CNTNAP2: variants seen among roughly 807,000 people sequenced by gnomAD.
The protein encoded by CNTNAP2 is contactin associated protein 2, also known as contactin-associated protein-like 2.
Under a neutral mutation model 155.2 loss-of-function variants are expected in CNTNAP2, and 98 were observed. That is an observed-to-expected ratio of 0.63 (90% CI 0.54 to 0.75). The LOEUF (loss-of-function observed/expected upper bound fraction) is 0.75. CNTNAP2 is among the 30% of genes least tolerant of loss of function. The pLI is 0.00. For synonymous variants in CNTNAP2, 651 were observed against 631.2 expected (o/e 1.03, Z -0.47); for missense variants, 1,727 against 1,688.1 (o/e 1.02, Z -0.40).
intron 21 of CNTNAP2, among the ~76,000 whole-genome samples, chr7:148,337,606 GTC>G (rs1204708183): frequency 1.3e-5 from 2 of 152,208 alleles, no homozygotes; most frequent in Non-Finnish European, 2.9e-5. Flanking sequence ...CGTCTTGCCA[GTC>G]TCTCCACTTT....
At chr7:146,491,652 G>T (rs972695276) in intron 1 of CNTNAP2, among the ~76,000 whole-genome samples, 1 of 152,120 alleles carries the variant, frequency 6.6e-6, no homozygotes, top group Admixed American at 6.5e-5. Context: ...ACCCATCAGA[G>T]CATTCCTACT....
At chr7:148,220,702 G>A (rs1795733418) in intron 19 of CNTNAP2, among the ~76,000 whole-genome samples, 1 of 150,652 alleles carries the variant, frequency 6.6e-6, no homozygotes, top group Non-Finnish European at 1.5e-5. Flanking sequence ...TTTTTCTCCT[G>A]AGCAGTACTT....
intron 8 of CNTNAP2, among the ~76,000 whole-genome samples, chr7:147,222,174 A>G (rs1803415560): frequency 6.6e-6 from 1 of 152,036 alleles, no homozygotes; most frequent in African/African-American, 2.4e-5. Flanking sequence ...CTTGTTTGAA[A>G]TATTTATTTG....
chr7:146,283,721 G>A lies in CNTNAP2; in HGVS notation c.97+166748G>A, dbSNP rs576660562. Among the ~76,000 whole-genome samples, 282 of 151,970 alleles carry A rather than the reference G, an allele frequency of 1.9e-3. 3 individuals are homozygous for A. The highest frequency in any genetic ancestry group is 2.6e-3 in the Non-Finnish European group (175 of 67,980). ...ATAGAAATAAATTAGGAAATAATTC[G>A]GCTTTGTTCATATTTAATATATGGA... On this transcript the variant is annotated intron_variant, in intron 1 of 23. Coordinates refer to ENST00000361727, the MANE Select transcript of CNTNAP2 (RefSeq NM_014141.6).
At chr7:148,087,019 G>A (rs2116557287) in intron 15 of CNTNAP2, among the ~76,000 whole-genome samples, 1 of 152,218 alleles carries the variant, frequency 6.6e-6, no homozygotes, top group Admixed American at 6.5e-5. Flanking sequence ...TAAAAAAATA[G>A]TTTATTAAGA....
intron 13 of CNTNAP2, among the ~76,000 whole-genome samples, chr7:147,886,060 T>A (rs1799594076): frequency 6.6e-6 from 1 of 152,210 alleles, no homozygotes; most frequent in South Asian, 2.1e-4. Context: ...AAATTCTTTC[T>A]TCCTCTCCTG....
chr7:146,940,947 T>C (rs528214255), intron 3 of CNTNAP2, among the ~76,000 whole-genome samples: 32 of 152,242 alleles, frequency 2.1e-4, no homozygotes, highest in African/African-American at 7.2e-4. Flanking sequence ...TTGACTTAAA[T>C]TGTATTTTAT....
intron 13 of CNTNAP2, among the ~76,000 whole-genome samples, chr7:147,824,021 G>A (rs1284925594): frequency 6.6e-6 from 1 of 152,076 alleles, no homozygotes; most frequent in Non-Finnish European, 1.5e-5. Flanking sequence ...AGGTGTATGG[G>A]GATGGCTTAT....
intron 3 of CNTNAP2, among the ~76,000 whole-genome samples, chr7:146,951,787 G>C (rs1373832733): frequency 6.6e-6 from 1 of 151,894 alleles, no homozygotes; most frequent in Admixed American, 6.6e-5. Flanking sequence ...GCTCTTTTTT[G>C]TTTCCATATA....
intron 1 of CNTNAP2, among the ~76,000 whole-genome samples, chr7:146,366,775 A>G (rs557808256): frequency 4.6e-5 from 7 of 152,240 alleles, no homozygotes; most frequent in South Asian, 4.1e-4. Flanking sequence ...AACATTTTGG[A>G]GCTAAGATAC....
chr7:147,314,103 A>G (rs1456141575), intron 9 of CNTNAP2, among the ~76,000 whole-genome samples: 1 of 152,136 alleles, frequency 6.6e-6, no homozygotes, highest in Non-Finnish European at 1.5e-5. Flanking sequence ...TGATTTTTGT[A>G]CATTGATTTT....
At chr7:148,153,239 C>CTAA (rs1805337813) in intron 17 of CNTNAP2, among the ~76,000 whole-genome samples, 2 of 81,590 alleles carry the variant, frequency 2.5e-5, no homozygotes, top group Admixed American at 1.3e-4. Context: ...GCAAAGTAAC[C>CTAA]GAAAAAAAAA....
chr7:146,512,428 T>C (rs933161893), intron 1 of CNTNAP2, among the ~76,000 whole-genome samples: 2 of 151,950 alleles, frequency 1.3e-5, no homozygotes, highest in Admixed American at 6.6e-5. Flanking sequence ...TGTTCATTGC[T>C]ATAAATTTTC....
chr7:146,906,630 T>A (rs1160620302), intron 3 of CNTNAP2, among the ~76,000 whole-genome samples: 2 of 152,096 alleles, frequency 1.3e-5, no homozygotes, highest in African/African-American at 2.4e-5. Flanking sequence ...AGAAAGGACA[T>A]CCACACCGAA....
In CNTNAP2 at chr7:148,402,260, C is replaced by T. The variant is rs566735399; in HGVS notation, c.3716-7131C>T. On this transcript the variant is annotated intron_variant, in intron 22 of 23. Transcript: ENST00000361727. ...GTAAAGCTTGTTTAACTTTTCAAGT[C>T]AGGAGCCAAAAAGTCACAATCACCT... Among the ~76,000 whole-genome samples the T allele has an allele frequency of 3.5e-4, 53 of 152,268 alleles. No individual in the cohort carries two copies. The South Asian group carries it at 0.01, about 29-fold the overall frequency.
chr7:146,430,927 C>T (rs1796164597), intron 1 of CNTNAP2, among the ~76,000 whole-genome samples: 1 of 151,996 alleles, frequency 6.6e-6, no homozygotes, highest in African/African-American at 2.4e-5. Flanking sequence ...TTCGTCGTCA[C>T]TGTGAGACAT....
intron 2 of CNTNAP2, among the ~76,000 whole-genome samples, chr7:146,794,703 A>G (rs1802738058): frequency 6.6e-6 from 1 of 151,520 alleles, no homozygotes; most frequent in Admixed American, 6.6e-5. Flanking sequence ...ATGAGGTACT[A>G]ACTATGATAC....
chr7:146,743,034 T>C (rs1801746374), intron 1 of CNTNAP2, among the ~76,000 whole-genome samples: 1 of 152,160 alleles, frequency 6.6e-6, no homozygotes, highest in African/African-American at 2.4e-5. Flanking sequence ...GAAATCTTTT[T>C]TTTTAATTTT....
intron 1 of CNTNAP2, among the ~76,000 whole-genome samples, chr7:146,686,324 A>G (rs997392481): frequency 6.6e-6 from 1 of 152,110 alleles, no homozygotes; most frequent in African/African-American, 2.4e-5. Context: ...ACAATTTTTG[A>G]AGTCAGAATA....
Sources: allele counts gnomAD v4.1 joint callset (sites outside exome capture counted in the v4.1 genomes callset), GRCh38; gene constraint gnomAD v4.1.1; transcripts MANE v1.5; gene names NCBI Gene and HGNC (gene_info 2026-07-23, HGNC 2026-07-21).